Variants in SBNO2 observed in about 807,000 individuals in gnomAD.
The protein encoded by SBNO2 is protein strawberry notch homolog 2.
SBNO2 carries 89 observed loss-of-function variants against 146.3 expected under a neutral mutation model. The observed-to-expected ratio is 0.61, with a 90% CI of 0.51 to 0.73. The LOEUF is 0.73. Among genes scored for constraint, SBNO2 ranks in the 30% least tolerant of loss-of-function variants. The pLI is 0.00. For synonymous variants in SBNO2, 1,147 were observed against 892.6 expected, an observed-to-expected ratio of 1.29 and a Z score of -5.08; for missense variants, 2,092 against 2,003.7, an observed-to-expected ratio of 1.04 and a Z score of -0.84.
Position 1,136,599 on chromosome 19 carries a change from C to T in SBNO2, c.280-8834G>A, listed in dbSNP as rs138919183. 4.1e-4 allele frequency among the ~76,000 whole-genome samples: 62 copies of T among 152,304 alleles called. No homozygotes were observed. Among genetic ancestry groups the T allele is most frequent in the African/African-American group, 1.4e-3 (57 of 41,568 alleles). On this transcript the variant is annotated intron_variant, in intron 4 of 31. Coordinates refer to ENST00000361757, the MANE Select transcript of SBNO2 (RefSeq NM_014963.3). The surrounding 1 kb of genome is among the most constrained non-coding windows in gnomAD (Gnocchi z 4.2). ...CTTCTTGGCCTTGGCTGGGTGTGAA[C>T]CAAAGACTTCCTGTAAGAAATCCCC...
At chr19:1,120,289 G>A (rs569768656) in intron 11 of SBNO2, among the ~76,000 whole-genome samples, 38 of 152,344 alleles carry the variant, frequency 2.5e-4, no homozygotes, top group East Asian at 1.9e-4. Context: ...TGGGGCCTCC[G>A]GCGAGGAAGG....
Position 1,111,091 on chromosome 19 carries a change from T to C in SBNO2, c.2812A>G (p.Met938Val). The change falls in exon 25 of 32, where the codon ATG (methionine) becomes GTG (valine). Residue 938 changes from methionine (M) to valine (V), a missense_variant and splice_region_variant. Physicochemically the swap from Met to Val is conservative, Grantham distance 21 (BLOSUM62 1). Transcript: ENST00000361757. ...CCCACAGACAGCAGGCCCTGCTTCATGTCTGCGGGGAGAGGGGCCTCACAT... is the reference window on the plus strand; with the variant it reads ...CCCACAGACAGCAGGCCCTGCTTCACGTCTGCGGGGAGAGGGGCCTCACAT... ...PGGVPTFFRD[M>V]KQGLLSVGIG... 6.5e-7 allele frequency: 1 copy of C among 1,549,340 alleles called. No homozygotes were observed. The highest frequency in any genetic ancestry group is 8.7e-7 in the Non-Finnish European group (1 of 1,148,660).
chr19:1,139,623 C>T (rs749698037), intron 4 of SBNO2, among the ~76,000 whole-genome samples: 10 of 152,076 alleles, frequency 6.6e-5, no homozygotes, highest in East Asian at 1.9e-4. Context: ...GGTGAAACCC[C>T]GTCTCTACTA....
chr19:1,154,281 C>T lies in SBNO2; in HGVS notation c.-5G>A, dbSNP rs371941993. 737 of 1,261,014 alleles carry T rather than the reference C, an allele frequency of 5.8e-4. 1 individual carries two copies. The African/African-American group carries it at 9.9e-3, about 17-fold the overall frequency. 78.1% of individuals were successfully genotyped at this position (1,261,014 alleles called of 1,614,324 possible). A position where few individuals can be genotyped will look rare whatever the true frequency, so the allele number is the denominator to read the frequency against. On this transcript the variant is annotated 5_prime_UTR_variant, in exon 2 of 32. Coordinates refer to ENST00000361757, the MANE Select transcript of SBNO2 (RefSeq NM_014963.3). ...GGCGGGCCCCACTGCAAGCATCGGG[C>T]GGCAGGCGGGGTGGGGTCCTCGGCC...
chr19:1,172,571 G>A (rs1433130), intron 1 of SBNO2, among the ~76,000 whole-genome samples: 22,098 of 152,138 alleles, frequency 0.15, 2,257 homozygotes, highest in East Asian at 0.44. Flanking sequence ...GAGGGCACCC[G>A]AAACAGCACA....
chr19:1,161,836 G>A (rs1391119384), intron 1 of SBNO2, among the ~76,000 whole-genome samples: 1 of 149,736 alleles, frequency 6.7e-6, no homozygotes, highest in African/African-American at 2.5e-5. Context: ...GCTGTCTTGT[G>A]AAAGAGTCGT....
rs2080304329 is a variant in SBNO2, at chr19:1,157,611, G to A, written c.-126-3209C>T. 6.6e-6 allele frequency among the ~76,000 whole-genome samples: 1 copy of A among 152,190 alleles called. No individual in the cohort carries two copies. The highest frequency in any genetic ancestry group is 6.5e-5 in the Admixed American group (1 of 15,282). ...CACACGGTTCCCACCTTGGGAGGGGGCCCGCGCTTTATCAGCACGCTGACA... is the reference window on the plus strand; with the variant it reads ...CACACGGTTCCCACCTTGGGAGGGGACCCGCGCTTTATCAGCACGCTGACA... On this transcript the variant is annotated intron_variant, in intron 1 of 31. Coordinates refer to ENST00000361757, the MANE Select transcript of SBNO2 (RefSeq NM_014963.3). The surrounding 1 kb of genome is among the most constrained non-coding windows in gnomAD (Gnocchi z 6.8).
rs770824881 is a variant in SBNO2 at position 1,119,082 on chromosome 19, C to T, written c.1456G>A (p.Val486Ile). The T allele has an allele frequency of 1.2e-6, 2 of 1,605,804 alleles. No homozygotes were observed. The highest frequency in any genetic ancestry group is 1.7e-6 in the Non-Finnish European group (2 of 1,177,188). Reference sequence around the variant, plus strand: ...GGGATCTCCTCGATGCGGAAGGTGACGCCGGAGAAGCTGAGCTGGCGTGCG... The same window carrying T: ...GGGATCTCCTCGATGCGGAAGGTGATGCCGGAGAAGCTGAGCTGGCGTGCG... ...YIARQLSFSGVTFRIEEIPLA... is the reference protein window; with the variant it reads ...YIARQLSFSGITFRIEEIPLA... Residue 486 changes from valine to isoleucine, a missense_variant, in exon 14 of 32, where the codon GTC becomes ATC. Coordinates refer to ENST00000361757, the MANE Select transcript of SBNO2 (RefSeq NM_014963.3).
chr19:1,127,464 C>G (rs1420955410), intron 5 of SBNO2, 140 bp downstream of exon 5: 2 of 819,528 alleles, frequency 2.4e-6, no homozygotes, highest in East Asian at 2.5e-5. Context: ...TCCATGGCCA[C>G]AGATGGCGCC....
rs757720803 is a variant in SBNO2, at chr19:1,119,051, G to A, written c.1487C>T (p.Ala496Val). The change falls in exon 14 of 32, where the codon GCC (alanine) becomes GTC (valine). Residue 496 changes from alanine (A) to valine (V), a missense_variant. By Grantham distance (64) the Ala-to-Val change is moderately conservative (BLOSUM62 0). Transcript: ENST00000361757. ...VTFRIEEIPL[A>V]PAFECVYNRA... Reference sequence around the variant, plus strand: ...GTTGTAGACGCACTCGAAGGCTGGGGCCAGCGGGATCTCCTCGATGCGGAA... The same window carrying A: ...GTTGTAGACGCACTCGAAGGCTGGGACCAGCGGGATCTCCTCGATGCGGAA... 4 of 1,605,084 alleles carry A rather than the reference G, an allele frequency of 2.5e-6. No homozygotes were observed. The highest frequency in any genetic ancestry group is 3.4e-6 in the Non-Finnish European group (4 of 1,177,360).
intron 24 of SBNO2, 113 bp from the exon 25 acceptor site, chr19:1,111,206 A>G: frequency 1.6e-6 from 2 of 1,230,978 alleles, no homozygotes; most frequent in South Asian, 2.9e-5. Context: ...GAGCAGCTGC[A>G]GCCTAGGGCC....
Position 1,144,583 on chromosome 19 carries a change from CAGAGACAT to C in SBNO2, c.279+2718_279+2725del, listed in dbSNP as rs530612040. On this transcript the variant is annotated intron_variant, in intron 4 of 31. Coordinates refer to ENST00000361757, the MANE Select transcript of SBNO2 (RefSeq NM_014963.3). The surrounding 1 kb of genome is among the most constrained non-coding windows in gnomAD (Gnocchi z 4.1). Reference sequence around the variant, plus strand: ...AGACAGAGACAGGGAGACAGAGACGCAGAGACATAGAGACATAGAGACAGAGGCAGAGA... The same window carrying C: ...AGACAGAGACAGGGAGACAGAGACGCAGAGACATAGAGACAGAGGCAGAGA... 6.3e-3 allele frequency among the ~76,000 whole-genome samples: 945 copies of C among 149,292 alleles called. 9 individuals are homozygous for C. The highest frequency in any genetic ancestry group is 9.6e-3 in the African/African-American group (387 of 40,420).
At position 1,144,279 on chromosome 19, in the gene SBNO2, G is replaced by A. The variant is rs887212240; in HGVS notation, c.279+3030C>T. ...TCAGCACTGGGGGACCACGCGGCCC[G>A]GCCCACACTTGGCACCGGGGTCAGA... On this transcript the variant is annotated intron_variant, in intron 4 of 31. Coordinates refer to ENST00000361757, the MANE Select transcript of SBNO2 (RefSeq NM_014963.3). The surrounding 1 kb of genome is among the most constrained non-coding windows in gnomAD (Gnocchi z 4.1). Among the ~76,000 whole-genome samples, 12 of 152,088 alleles carry A rather than the reference G, an allele frequency of 7.9e-5. No individual in the cohort carries two copies. The highest frequency in any genetic ancestry group is 2.4e-4 in the African/African-American group (10 of 41,396).
At chr19:1,111,855 G>A in intron 23 of SBNO2, 141 bp downstream of exon 23, 2 of 894,786 alleles carry the variant, frequency 2.2e-6, no homozygotes, top group Non-Finnish European at 3.4e-6. Context: ...CCCCCTGGGG[G>A]TCCTAGACCC....
At chr19:1,159,712 C>CG (rs1238011055) in intron 1 of SBNO2, among the ~76,000 whole-genome samples, 3 of 75,470 alleles carry the variant, frequency 4.0e-5, no homozygotes, top group Non-Finnish European at 2.5e-5. Flanking sequence ...GATGGGACAG[C>CG]GGGGGGACAG....
intron 5 of SBNO2, among the ~76,000 whole-genome samples, chr19:1,125,863 G>A (rs1485890462): frequency 6.6e-6 from 1 of 151,858 alleles, no homozygotes; most frequent in Non-Finnish European, 1.5e-5. Context: ...GCGTGGTGTC[G>A]TGTGTCTATG....
At chr19:1,122,390 C>T (rs1031221975) in intron 10 of SBNO2, 78 bp downstream of exon 10, 3 of 1,519,288 alleles carry the variant, frequency 2.0e-6, no homozygotes, top group East Asian at 4.9e-5. Flanking sequence ...TGGCTGCTGG[C>T]CCACCCAGCT....
chr19:1,108,301 C>T lies in SBNO2; in HGVS notation c.4020G>A (p.Gly1340=). The T allele has an allele frequency of 6.7e-7, 1 of 1,483,802 alleles. No individual in the cohort carries two copies. Among genetic ancestry groups the T allele is most frequent in the Non-Finnish European group, 9.0e-7 (1 of 1,113,054 alleles). The allele number at this position is 1,483,802 out of a possible 1,614,324, so 91.9% of individuals were successfully genotyped here. A position where few individuals can be genotyped will look rare whatever the true frequency, so the allele number is the denominator to read the frequency against. Residue 1340 remains glycine, a synonymous_variant, in exon 32 of 32, where the codon GGG becomes GGA. Transcript: ENST00000361757. ...EGALGEGAGA[G]GAAGGGPERQ... ...GCTCGGGACCACCGCCCGCCGCGCC[C>T]CCCGCCCCCGCGCCCTCCCCCAGCG...
intron 1 of SBNO2, among the ~76,000 whole-genome samples, chr19:1,161,057 C>T (rs1373131208): frequency 1.3e-5 from 1 of 77,464 alleles, no homozygotes; most frequent in East Asian, 3.1e-4. Context: ...CCGGGAGCAC[C>T]GGGAGGTGGG....
Sources: allele counts gnomAD v4.1 joint callset (sites outside exome capture counted in the v4.1 genomes callset), GRCh38; gene constraint gnomAD v4.1.1; non-coding constraint Gnocchi (gnomAD v3.1); transcripts MANE v1.5; gene names NCBI Gene and HGNC (gene_info 2026-07-23, HGNC 2026-07-21).